RNF4: variants seen among roughly 807,000 people sequenced by gnomAD.
RNF4 encodes E3 ubiquitin-protein ligase RNF4.
Under a neutral mutation model 24.3 loss-of-function variants are expected in RNF4, and 7 were observed. The ratio of observed to expected loss-of-function variants is 0.29; its 90% confidence interval spans 0.16 to 0.54. The LOEUF is 0.54. Ranked by LOEUF, RNF4 falls within the 20% of genes least tolerant of loss-of-function variation. RNF4 has a pLI of 0.95. For missense variants in RNF4, 209 were observed against 248.5 expected, an observed-to-expected ratio of 0.84 and a Z score of 1.07; for synonymous variants, 83 against 84.3, an observed-to-expected ratio of 0.98 and a Z score of 0.09.
chr4:2,492,516 C>G (rs1246279784), intron 2 of RNF4, among the ~76,000 whole-genome samples: 1 of 152,206 alleles, frequency 6.6e-6, no homozygotes, highest in Non-Finnish European at 1.5e-5. Context: ...GTCTGAGATC[C>G]TGAATTCCTT....
intron 2 of RNF4, among the ~76,000 whole-genome samples, chr4:2,492,527 GT>G (rs1735613231): frequency 6.6e-6 from 1 of 152,206 alleles, no homozygotes; most frequent in Non-Finnish European, 1.5e-5. Context: ...TGAATTCCTT[GT>G]CAGACAGACC....
At position 2,512,119 on chromosome 4, in the gene RNF4, A is replaced by G. The variant is rs1736285383; in HGVS notation, c.214+154A>G. The stretch of plus-strand genomic sequence containing the variant: ...GCAGATGCTGTGGTCAGACCCACAC[A>G]GCCAGTCCCCCTTGTGCCTGCTGAA... On this transcript the variant is annotated intron_variant, in intron 5 of 7. Transcript: ENST00000314289. This position sits in a 1 kb window ranked among gnomAD's most constrained non-coding sequence, Gnocchi z 4.1. 5.9e-6 allele frequency: 4 copies of G among 682,924 alleles called. No individual in the cohort carries two copies. Among genetic ancestry groups the G allele is most frequent in the Middle Eastern group, 4.1e-4 (1 of 2,466 alleles). 42.3% of individuals were successfully genotyped at this position (682,924 alleles called of 1,614,324 possible).
intron 1 of RNF4, among the ~76,000 whole-genome samples, chr4:2,476,812 C>CTT (rs34392249): frequency 2.8e-5 from 4 of 141,440 alleles, no homozygotes; most frequent in Non-Finnish European, 3.1e-5. Context: ...CAGCCTAAAA[C>CTT]TTTTTTTTTT....
Position 2,476,707 on chromosome 4 carries a change from T to TC in RNF4, c.-158+7449_-158+7450insC, listed in dbSNP as rs201124565. Among the ~76,000 whole-genome samples the TC allele has an allele frequency of 7.9e-3, 1,174 of 149,520 alleles. 10 individuals carry two copies. The highest frequency in any genetic ancestry group is 0.027 in the African/African-American group (1,110 of 40,946). ...CGTCCAGCCCTTTTCTTTCTTTCTT[T>TC]TTTTTTTTTTTTTAATTTAAGAGAA... On this transcript the variant is annotated intron_variant, in intron 1 of 7. Transcript: ENST00000314289.
rs74758122 is a variant in RNF4, at chr4:2,508,104, C to T, written c.205-3852C>T. 7.8e-3 allele frequency among the ~76,000 whole-genome samples: 1,182 copies of T among 152,302 alleles called. 14 individuals are homozygous for T. Among genetic ancestry groups the T allele is most frequent in the African/African-American group, 0.027 (1,115 of 41,562 alleles). On this transcript the variant is annotated intron_variant, in intron 4 of 7. Transcript: ENST00000314289. The stretch of plus-strand genomic sequence containing the variant: ...CAAGTGATTCATCCCGCCTTGGCCT[C>T]CCAGGGTGCTGGGATTGCAGATATG...
Position 2,514,018 on chromosome 4 carries a change from G to C in RNF4, c.*199G>C. ...TGGCGCTGGACCCAGGGCCCTCCCA[G>C]GCCATCTCTGTTCCTCTGGGGTGGT... On this transcript the variant is annotated 3_prime_UTR_variant, in exon 8 of 8. Transcript: ENST00000314289. 3.0e-6 allele frequency: 2 copies of C among 660,870 alleles called. No individual in the cohort carries two copies. Among genetic ancestry groups the C allele is most frequent in the Admixed American group, 5.8e-5 (2 of 34,486 alleles). The allele number at this position is 660,870 out of a possible 1,614,324, so 40.9% of individuals were successfully genotyped here.
chr4:2,499,053 C>A (rs1442621350), intron 3 of RNF4, among the ~76,000 whole-genome samples: 1 of 151,862 alleles, frequency 6.6e-6, no homozygotes, highest in African/African-American at 2.4e-5. Flanking sequence ...AAAAATTAGA[C>A]GGGCGTGGTG....
At chr4:2,499,747 C>T (rs913654403) in intron 3 of RNF4, among the ~76,000 whole-genome samples, 2 of 152,160 alleles carry the variant, frequency 1.3e-5, no homozygotes, top group African/African-American at 4.8e-5. Flanking sequence ...GGCTGAAAGG[C>T]AAGCTTCACA....
chr4:2,507,575 G>C (rs931568558), intron 4 of RNF4, among the ~76,000 whole-genome samples: 9 of 152,192 alleles, frequency 5.9e-5, no homozygotes, highest in African/African-American at 2.2e-4. Context: ...TAAAGCAAGT[G>C]TGTCTTGGTG....
At chr4:2,500,044 A>G (rs367553682) in intron 3 of RNF4, among the ~76,000 whole-genome samples, 1 of 151,486 alleles carries the variant, frequency 6.6e-6, no homozygotes, top group African/African-American at 2.4e-5. Flanking sequence ...TGTAATCCCA[A>G]CTACTCGGGA....
At position 2,506,571 on chromosome 4, in the gene RNF4, C is replaced by CT. The variant is rs147714212; in HGVS notation, c.205-5376dup. On this transcript the variant is annotated intron_variant, in intron 4 of 7. Coordinates refer to ENST00000314289, the MANE Select transcript of RNF4 (RefSeq NM_002938.5). ...ATTTGTTTTTTTTCTTCTTCTTCTT[C>CT]TTTTTTTTTCCCTTGAAACAGGGTC... is the stretch of plus-strand genomic sequence containing the variant. 4.7e-3 allele frequency among the ~76,000 whole-genome samples: 651 copies of CT among 138,956 alleles called. 31 individuals carry two copies. The East Asian group carries it at 0.12, about 26-fold the overall frequency. The allele number at this position is 138,956 out of a possible 152,430, so 91.2% of individuals were successfully genotyped here.
At chr4:2,477,835 G>A (rs1399635996) in intron 1 of RNF4, among the ~76,000 whole-genome samples, 1 of 152,190 alleles carries the variant, frequency 6.6e-6, no homozygotes, top group African/African-American at 2.4e-5. Context: ...AGTAGAGTGC[G>A]ATGCTGCTGA....
chr4:2,512,533 A>G lies in RNF4; in HGVS notation c.310A>G (p.Arg104Gly). 6.2e-7 allele frequency: 1 copy of G among 1,613,976 alleles called. No individual in the cohort carries two copies. The highest frequency in any genetic ancestry group is 8.5e-7 in the Non-Finnish European group (1 of 1,179,842). Residue 104 changes from arginine to glycine, a missense_variant, in exon 6 of 8, where the codon AGA becomes GGA. Arg to Gly is a moderately radical substitution (Grantham distance 125, BLOSUM62 -2). Around this residue, in one of 3 missense-constraint regions of RNF4, gnomAD observed 182 missense variants for 197.2 expected, o/e 0.92. Coordinates refer to ENST00000314289, the MANE Select transcript of RNF4 (RefSeq NM_002938.5). This position sits in a 1 kb window ranked among gnomAD's most constrained non-coding sequence, Gnocchi z 4.1. ...TGACGATGAGGAGTTGTCCAGGGAC[A>G]GAGACGTATATGTGACTACCCATAC... ...SSDDEELSRD[R>G]DVYVTTHTPR... is the part of the protein sequence containing the mutation.
intron 3 of RNF4, among the ~76,000 whole-genome samples, chr4:2,497,913 C>T (rs919812041): frequency 2.0e-5 from 3 of 152,156 alleles, no homozygotes; most frequent in Non-Finnish European, 2.9e-5. Context: ...GTATTACAGG[C>T]GTGAGCCACT....
At position 2,512,630 on chromosome 4, in the gene RNF4, T is replaced by A. The variant is rs1197652680; in HGVS notation, c.374+33T>A. Reference sequence around the variant, plus strand: ...CGTGCCCCCAGCTCTGCTGCCGCCATGCTAGGATGTGGGGCCAGGGCATGG... The same window carrying A: ...CGTGCCCCCAGCTCTGCTGCCGCCAAGCTAGGATGTGGGGCCAGGGCATGG... On this transcript the variant is annotated intron_variant, in intron 6 of 7. Transcript: ENST00000314289. The surrounding 1 kb of genome is among the most constrained non-coding windows in gnomAD (Gnocchi z 4.1). 1.9e-6 allele frequency: 3 copies of A among 1,610,020 alleles called. No individual in the cohort carries two copies. In the South Asian group the frequency reaches 3.3e-5, roughly 18 times the overall value.
chr4:2,508,777 T>C (rs1440936226), intron 4 of RNF4, among the ~76,000 whole-genome samples: 1 of 151,556 alleles, frequency 6.6e-6, no homozygotes, highest in Non-Finnish European at 1.5e-5. Context: ...CATGCCCGGC[T>C]AATTTTGTGT....
chr4:2,488,143 G>A (rs1387914331), intron 1 of RNF4, among the ~76,000 whole-genome samples: 2 of 152,196 alleles, frequency 1.3e-5, no homozygotes, highest in Non-Finnish European at 2.9e-5. Context: ...TGTGAATGAG[G>A]CGGGGAGGTA....
intron 2 of RNF4, among the ~76,000 whole-genome samples, chr4:2,493,220 T>A (rs1735631415): frequency 6.6e-6 from 1 of 151,920 alleles, no homozygotes; most frequent in South Asian, 2.1e-4. Context: ...TCTGGAAAGC[T>A]GTGCAAGAAT....
rs1736326787 is a variant in RNF4 at position 2,513,488 on chromosome 4, G to A, written c.424-182G>A. ...TGAGATGCCATGGCCCCTGCCTCCT[G>A]CTCTCCAGCTGAGAGAGACCACAGC... On this transcript the variant is annotated intron_variant, in intron 7 of 7. Coordinates refer to ENST00000314289, the MANE Select transcript of RNF4 (RefSeq NM_002938.5). Among the ~76,000 whole-genome samples, 3 of 152,184 alleles carry A rather than the reference G, an allele frequency of 2.0e-5. No homozygotes were observed. In the South Asian group the frequency reaches 6.2e-4, roughly 32 times the overall value.
Sources: allele counts gnomAD v4.1 joint callset (sites outside exome capture counted in the v4.1 genomes callset), GRCh38; gene constraint gnomAD v4.1.1; regional missense constraint gnomAD v4.1.1; non-coding constraint Gnocchi (gnomAD v3.1); transcripts MANE v1.5; gene names NCBI Gene and HGNC (gene_info 2026-07-23, HGNC 2026-07-21).